The following PTPRN2 variants were observed in gnomAD, a reference collection of about 807,000 sequenced individuals.
The protein encoded by PTPRN2 is receptor-type tyrosine-protein phosphatase N2.
PTPRN2 carries 74 observed loss-of-function variants against 118.8 expected under a neutral mutation model. The observed-to-expected ratio is 0.62, with a 90% CI of 0.52 to 0.76. The LOEUF is 0.76. Ranked by LOEUF, PTPRN2 falls within the 30% of genes least tolerant of loss-of-function variation. The probability of loss-of-function intolerance (pLI) is 0.00; values close to 1 mark genes in which losing one functional copy is unlikely to be tolerated. For missense variants in PTPRN2, 1,481 were observed against 1,394.4 expected, an observed-to-expected ratio of 1.06 and a Z score of -0.99; for synonymous variants, 641 against 608.0, an observed-to-expected ratio of 1.05 and a Z score of -0.80.
intron 3 of PTPRN2, among the ~76,000 whole-genome samples, chr7:158,215,831 A>C (rs1827915391): frequency 6.6e-6 from 1 of 152,198 alleles, no homozygotes; most frequent in Admixed American, 6.5e-5. Flanking sequence ...CAGAAAAAGG[A>C]AAATTGTGTT....
chr7:158,067,046 A>G (rs1410904598), intron 11 of PTPRN2, among the ~76,000 whole-genome samples: 2 of 152,204 alleles, frequency 1.3e-5, no homozygotes, highest in African/African-American at 4.8e-5. Context: ...TCCTGTTTTC[A>G]TGAAATTTCT....
intron 11 of PTPRN2, among the ~76,000 whole-genome samples, chr7:157,952,901 C>T (rs759723466): frequency 1.1e-4 from 17 of 152,152 alleles, no homozygotes; most frequent in Non-Finnish European, 2.1e-4. Context: ...CTTCCCTCTC[C>T]AGGACGTGAA....
intron 11 of PTPRN2, among the ~76,000 whole-genome samples, chr7:157,905,449 T>G (rs1032846358): frequency 6.6e-6 from 1 of 152,170 alleles, no homozygotes; most frequent in Non-Finnish European, 1.5e-5. Context: ...TTTATCTTCA[T>G]GGGAGACAAA....
intron 2 of PTPRN2, among the ~76,000 whole-genome samples, chr7:158,488,885 T>C (rs1234356865): frequency 6.6e-6 from 1 of 152,208 alleles, no homozygotes; most frequent in Non-Finnish European, 1.5e-5. Flanking sequence ...CGCCCAGCGC[T>C]TTTCTGAGGA....
At chr7:157,825,485 TGTCACACTCA>T (rs1447737170) in intron 12 of PTPRN2, among the ~76,000 whole-genome samples, 5 of 152,252 alleles carry the variant, frequency 3.3e-5, no homozygotes, top group African/African-American at 1.2e-4. Flanking sequence ...TTTTATTTTC[TGTCACACTCA>T]GTCACACTAA....
intron 12 of PTPRN2, among the ~76,000 whole-genome samples, chr7:157,760,293 C>T (rs1802054091): frequency 6.6e-6 from 1 of 151,962 alleles, no homozygotes; most frequent in Non-Finnish European, 1.5e-5. Flanking sequence ...AGGAGTGTGA[C>T]CCAGGATGGG....
At chr7:158,251,056 T>C (rs1274833348) in intron 3 of PTPRN2, among the ~76,000 whole-genome samples, 1 of 152,176 alleles carries the variant, frequency 6.6e-6, no homozygotes, top group African/African-American at 2.4e-5. Flanking sequence ...TAGGAGACAA[T>C]TCCCTATCTA....
Position 157,779,076 on chromosome 7 carries a change from C to T in PTPRN2, c.1789-96139G>A, listed in dbSNP as rs1431467882. Among the ~76,000 whole-genome samples the T allele has an allele frequency of 2.6e-5, 4 of 152,238 alleles. No individual in the cohort carries two copies. The highest frequency in any genetic ancestry group is 1.3e-4 in the Admixed American group (2 of 15,286). On this transcript the variant is annotated intron_variant, in intron 12 of 22. Transcript: ENST00000389418. This position sits in a 1 kb window ranked among gnomAD's most constrained non-coding sequence, Gnocchi z 4.7. ...TGTGCCGGGGTCTTCAGACAGTGCC[C>T]TCCCTGGGGTCTTGGGACCCTCAAG...
At chr7:158,040,077 GA>G (rs575126340) in intron 11 of PTPRN2, among the ~76,000 whole-genome samples, 4,953 of 57,464 alleles carry the variant, frequency 0.086, 97 homozygotes, top group Non-Finnish European at 0.15. Context: ...GAGAGAGAGA[GA>G]AAAAAAAAGA....
intron 10 of PTPRN2, 91 bp from the exon 11 acceptor site, chr7:158,081,468 T>A: frequency 7.7e-7 from 1 of 1,296,352 alleles, no homozygotes; most frequent in Non-Finnish European, 1.1e-6. Context: ...GGTGTGTTTT[T>A]AAAAACGCAA....
chr7:157,647,137 CGG>C (rs1805163323), intron 14 of PTPRN2, among the ~76,000 whole-genome samples: 1 of 92,134 alleles, frequency 1.1e-5, no homozygotes, highest in African/African-American at 4.4e-5. Context: ...CTTGGTGGGT[CGG>C]ACCCATTCAC....
In PTPRN2 at chr7:157,794,365, C is replaced by T. The variant is rs545234031; in HGVS notation, c.1788+104308G>A. ...CAGGCTGCCTGCACTTCCGGTTCTGCGTCTGGCCGGCCTACGGGCACTCGG... is the reference window on the plus strand; with the variant it reads ...CAGGCTGCCTGCACTTCCGGTTCTGTGTCTGGCCGGCCTACGGGCACTCGG... On this transcript the variant is annotated intron_variant, in intron 12 of 22. Coordinates refer to ENST00000389418, the MANE Select transcript of PTPRN2 (RefSeq NM_002847.5). This position sits in a 1 kb window ranked among gnomAD's most constrained non-coding sequence, Gnocchi z 5.2. Among the ~76,000 whole-genome samples the T allele has an allele frequency of 4.6e-5, 7 of 152,262 alleles. No homozygotes were observed. Among genetic ancestry groups the T allele is most frequent in the Admixed American group, 1.3e-4 (2 of 15,306 alleles).
At chr7:158,388,733 C>T (rs1811699285) in intron 2 of PTPRN2, among the ~76,000 whole-genome samples, 1 of 152,192 alleles carries the variant, frequency 6.6e-6, no homozygotes, top group Non-Finnish European at 1.5e-5. Flanking sequence ...CTAATGGTGC[C>T]TTGGCCTTTC....
intron 3 of PTPRN2, among the ~76,000 whole-genome samples, chr7:158,315,008 G>A (rs878894520): frequency 7.8e-6 from 1 of 128,430 alleles, no homozygotes. Flanking sequence ...GGGACCCCCT[G>A]AAGGACAGAG....
Position 158,188,177 on chromosome 7 carries a change from CTCGCCCCGCGATGGGGAAGGCCG to C in PTPRN2, c.549+4127_549+4149del, listed in dbSNP as rs1341963163. On this transcript the variant is annotated intron_variant, in intron 5 of 22. Coordinates refer to ENST00000389418, the MANE Select transcript of PTPRN2 (RefSeq NM_002847.5). ...CCCCTGTACTGGGAAGGCCGCCACGCTCGCCCCGCGATGGGGAAGGCCGCCACGCTCGCCGCCTGATGGGGAAG... is the reference window on the plus strand; with the variant it reads ...CCCCTGTACTGGGAAGGCCGCCACGCCCACGCTCGCCGCCTGATGGGGAAG... Among the ~76,000 whole-genome samples, 280 of 137,910 alleles carry C rather than the reference CTCGCCCCGCGATGGGGAAGGCCG, an allele frequency of 2.0e-3. 25 individuals carry two copies. Among genetic ancestry groups the C allele is most frequent in the Middle Eastern group, 3.6e-3 (1 of 276 alleles). The allele number at this position is 137,910 out of a possible 152,430, so 90.5% of individuals were successfully genotyped here.
At chr7:157,541,379 C>T (rs1171003919) in intron 22 of PTPRN2, among the ~76,000 whole-genome samples, 1 of 152,266 alleles carries the variant, frequency 6.6e-6, no homozygotes, top group Admixed American at 6.5e-5. Context: ...TGCGCGTCCA[C>T]AGCCACTTGG....
intron 2 of PTPRN2, among the ~76,000 whole-genome samples, chr7:158,362,244 G>C (rs768938717): frequency 6.6e-6 from 1 of 152,192 alleles, no homozygotes; most frequent in East Asian, 1.9e-4. Flanking sequence ...GCCCCTGCCC[G>C]CCCGGCCTCA....
At chr7:158,472,955 C>G (rs1657908015) in intron 2 of PTPRN2, among the ~76,000 whole-genome samples, 1 of 152,048 alleles carries the variant, frequency 6.6e-6, no homozygotes, top group Non-Finnish European at 1.5e-5. Context: ...CATTTGCCCA[C>G]ACTGCACTGC....
intron 2 of PTPRN2, among the ~76,000 whole-genome samples, chr7:158,356,305 A>C: frequency 6.6e-6 from 1 of 152,114 alleles, no homozygotes; most frequent in African/African-American, 2.4e-5. Context: ...ATAAAGCCCC[A>C]CTCAACTTAT....
Sources: allele counts gnomAD v4.1 joint callset (sites outside exome capture counted in the v4.1 genomes callset), GRCh38; gene constraint gnomAD v4.1.1; non-coding constraint Gnocchi (gnomAD v3.1); transcripts MANE v1.5; gene names NCBI Gene and HGNC (gene_info 2026-07-23, HGNC 2026-07-21).